RIPK1: variants seen among roughly 807,000 people sequenced by gnomAD.
RIPK1 encodes the protein receptor interacting serine/threonine kinase 1, also known as receptor-interacting serine/threonine-protein kinase 1.
A neutral mutation model predicts 62.4 loss-of-function variants in RIPK1; 27 were observed. The ratio of observed to expected loss-of-function variants is 0.43; its 90% CI spans 0.32 to 0.60. RIPK1 has a LOEUF of 0.60. Among genes scored for constraint, RIPK1 ranks in the 20% least tolerant of loss-of-function variants. The pLI, the probability that RIPK1 is intolerant of heterozygous loss-of-function variation, is 0.07. For synonymous variants in RIPK1, 287 were observed against 303.2 expected (o/e 0.95, Z 0.55); for missense variants, 735 against 831.0 (o/e 0.88, Z 1.42).
At chr6:3,090,503 A>G (rs897857731) in intron 7 of RIPK1, among the ~76,000 whole-genome samples, 5 of 152,190 alleles carry the variant, frequency 3.3e-5, no homozygotes, top group African/African-American at 7.2e-5. Flanking sequence ...AAAAGGCCCA[A>G]TTCATCTGGA....
intron 6 of RIPK1, among the ~76,000 whole-genome samples, chr6:3,088,064 GATTCTTAATGT>G (rs1216304482): frequency 6.6e-6 from 1 of 152,184 alleles, no homozygotes; most frequent in Non-Finnish European, 1.5e-5. Flanking sequence ...TTCAGTTTCT[GATTCTTAATGT>G]AATGGGTAAT....
At chr6:3,101,460 A>G (rs974189885) in intron 7 of RIPK1, among the ~76,000 whole-genome samples, 1 of 152,208 alleles carries the variant, frequency 6.6e-6, no homozygotes, top group Admixed American at 6.5e-5. Context: ...ATCTCTAAAA[A>G]TAAACATGCA....
chr6:3,081,040 A>G lies in RIPK1; in HGVS notation c.383A>G (p.Tyr128Cys), dbSNP rs749912592. 5 of 1,614,164 alleles carry G rather than the reference A, an allele frequency of 3.1e-6. No homozygotes were observed. The highest frequency in any genetic ancestry group is 1.3e-5 in the African/African-American group (1 of 75,066). The change falls in exon 4 of 11, where the codon TAC becomes TGC. Residue 128 changes from tyrosine (Y) to cysteine (C), a missense_variant. Around this residue, in one of 2 missense-constraint regions of RIPK1, gnomAD observed 671 missense variants for 726.2 expected, o/e 0.92. Coordinates refer to ENST00000259808, the MANE Select transcript of RIPK1 (RefSeq NM_001354930.2). ...TTGGAAATCATTGAAGGAATGTGCT[A>G]CTTACATGGAAAAGGCGTGATACAC... Reference protein sequence around the residue: ...IILEIIEGMCYLHGKGVIHKD... With the variant: ...IILEIIEGMCCLHGKGVIHKD...
chr6:3,074,495 T>C (rs1377140227), intron 1 of RIPK1, among the ~76,000 whole-genome samples: 1 of 152,174 alleles, frequency 6.6e-6, no homozygotes, highest in Non-Finnish European at 1.5e-5. Context: ...CTATGAACAT[T>C]TTACAAGTGT....
chr6:3,089,362 CTAT>C (rs1183025597), intron 6 of RIPK1, among the ~76,000 whole-genome samples: 1 of 152,190 alleles, frequency 6.6e-6, no homozygotes, highest in Non-Finnish European at 1.5e-5. Flanking sequence ...AGAGCACAGG[CTAT>C]TGAGGCAGAA....
At chr6:3,078,502 G>T (rs114308614) in intron 3 of RIPK1, among the ~76,000 whole-genome samples, 44 of 152,254 alleles carry the variant, frequency 2.9e-4, no homozygotes, top group African/African-American at 1.0e-3. Context: ...ATACCTGTCC[G>T]CTGCTCTGCA....
upstream of RIPK1, among the ~76,000 whole-genome samples, chr6:3,067,788 G>GC (rs1758449881): frequency 6.6e-6 from 1 of 151,304 alleles, no homozygotes; most frequent in African/African-American, 2.4e-5. Context: ...TGTCACCCAG[G>GC]CTGGAGTGCA....
intron 7 of RIPK1, among the ~76,000 whole-genome samples, chr6:3,090,822 GCGC>G (rs1205191098): frequency 1.4e-4 from 18 of 130,724 alleles, no homozygotes; most frequent in African/African-American, 6.5e-4. Flanking sequence ...AGTAACCGCA[GCGC>G]ACCTACCTGC....
At chr6:3,067,051 A>ATTTTTTTTT (rs36132424), upstream of RIPK1, among the ~76,000 whole-genome samples, 272 of 59,028 alleles carry the variant, frequency 4.6e-3, 11 homozygotes, top group African/African-American at 0.014. Context: ...TTGCTCCAGG[A>ATTTTTTTTT]TTTTTTTTTT....
chr6:3,087,581 A>C (rs138453504), intron 6 of RIPK1, among the ~76,000 whole-genome samples: 1 of 139,022 alleles, frequency 7.2e-6, no homozygotes, highest in African/African-American at 2.7e-5. Context: ...TTTGACACGG[A>C]CTCTCACTCT....
chr6:3,068,371 C>T, upstream of RIPK1: 1 of 985,480 alleles, frequency 1.0e-6, no homozygotes, highest in Non-Finnish European at 1.2e-6. Flanking sequence ...CCGCGATCCT[C>T]TAGCCCGCAA....
intron 7 of RIPK1, among the ~76,000 whole-genome samples, chr6:3,099,477 G>T (rs1364325747): frequency 6.6e-6 from 1 of 152,208 alleles, no homozygotes; most frequent in Non-Finnish European, 1.5e-5. Flanking sequence ...CCAGGAGGCG[G>T]AGCTTGCAGT....
intron 7 of RIPK1, among the ~76,000 whole-genome samples, chr6:3,095,007 A>G (rs1760209349): frequency 6.6e-6 from 1 of 152,134 alleles, no homozygotes; most frequent in African/African-American, 2.4e-5. Context: ...GGAGTAAGCT[A>G]TGATCATGCC....
chr6:3,086,422 G>C (rs1468432889), intron 6 of RIPK1, among the ~76,000 whole-genome samples: 2 of 152,192 alleles, frequency 1.3e-5, no homozygotes, highest in African/African-American at 4.8e-5. Flanking sequence ...AGTGATGCAG[G>C]TTCTTGTATC....
intron 8 of RIPK1, among the ~76,000 whole-genome samples, chr6:3,104,640 CA>C (rs1760745213): frequency 6.6e-6 from 1 of 152,024 alleles, no homozygotes; most frequent in Non-Finnish European, 1.5e-5. Context: ...AGCCAGGGTA[CA>C]AGCAGAGAGG....
At chr6:3,064,678 C>T (rs1228819931), upstream of RIPK1, among the ~76,000 whole-genome samples, 6 of 152,072 alleles carry the variant, frequency 3.9e-5, no homozygotes, top group South Asian at 2.1e-4. Flanking sequence ...AAGAGAACCT[C>T]CTCTAGGGTG....
chr6:3,073,548 G>T (rs1758877101), intron 1 of RIPK1, among the ~76,000 whole-genome samples: 1 of 152,032 alleles, frequency 6.6e-6, no homozygotes. Context: ...CTTCATCTAG[G>T]CAGCCCCCCG....
chr6:3,111,005 C>CA (rs764410717), intron 10 of RIPK1, 50 bp downstream of exon 10: 1 of 1,395,094 alleles, frequency 7.2e-7, no homozygotes, highest in Non-Finnish European at 9.7e-7. Context: ...AACTTTCTTA[C>CA]TTGTGAGAAG....
Position 3,085,312 on chromosome 6 carries a change from G to A in RIPK1, c.742G>A (p.Asp248Asn). The change falls in exon 6 of 11, where the codon GAT becomes AAT. Residue 248 changes from aspartate to asparagine, a missense_variant. This residue lies in a region of RIPK1 where 671 missense variants were observed against 726.2 expected (regional missense o/e 0.92). Transcript: ENST00000259808. ...GTGCATAAAATCTGGGAACAGGCCA[G>A]ATGTGGATGACATCACTGAGTACTG... ...IMCIKSGNRP[D>N]VDDITEYCPR... 1.2e-6 allele frequency: 2 copies of A among 1,614,240 alleles called. No individual in the cohort carries two copies. Among genetic ancestry groups the A allele is most frequent in the Non-Finnish European group, 1.7e-6 (2 of 1,180,024 alleles).
Sources: allele counts gnomAD v4.1 joint callset (sites outside exome capture counted in the v4.1 genomes callset), GRCh38; gene constraint gnomAD v4.1.1; regional missense constraint gnomAD v4.1.1; transcripts MANE v1.5; gene names NCBI Gene and HGNC (gene_info 2026-07-23, HGNC 2026-07-21).